LRRC37A2: variants seen among roughly 807,000 people sequenced by gnomAD.
LRRC37A2 encodes leucine-rich repeat-containing protein 37A2.
Under a neutral mutation model 68.8 loss-of-function variants are expected in LRRC37A2, and 9 were observed. The ratio of observed to expected loss-of-function variants is 0.13; its 90% CI spans 0.08 to 0.23. The LOEUF is 0.23. Ranked by LOEUF, LRRC37A2 falls within the 10% of genes least tolerant of loss-of-function variation. The probability of loss-of-function intolerance (pLI) is 1.00; values close to 1 mark genes in which losing one functional copy is unlikely to be tolerated. For missense variants in LRRC37A2, 168 were observed against 950.4 expected (o/e 0.18, Z 10.82); for synonymous variants, 63 against 367.6 (o/e 0.17, Z 9.48).
chr17:46,886,477 C>T, the LRRC37A2 span: 5 of 152,140 alleles, frequency 3.3e-5, no homozygotes, highest in Non-Finnish European at 5.9e-5. Context: ...TGGGAGTATA[C>T]TCCTAAGTTG....
chr17:46,740,052 G>A, the LRRC37A2 span, among the ~76,000 whole-genome samples: 3 of 152,186 alleles, frequency 2.0e-5, no homozygotes, highest in Non-Finnish European at 4.4e-5. Flanking sequence ...CCTGGGCACT[G>A]TGTCTAGTGG....
the LRRC37A2 span, among the ~76,000 whole-genome samples, chr17:46,985,443 C>G: frequency 6.6e-6 from 1 of 150,918 alleles, no homozygotes; most frequent in African/African-American, 2.4e-5. Flanking sequence ...TTGCTTGAAC[C>G]TGGGAGGCGG....
chr17:46,974,185 G>A, the LRRC37A2 span, among the ~76,000 whole-genome samples: 6 of 152,340 alleles, frequency 3.9e-5, no homozygotes, highest in Admixed American at 2.6e-4. Context: ...GCCCTGAGAC[G>A]CATGGAACCA....
At chr17:46,944,866 C>A in the LRRC37A2 span, among the ~76,000 whole-genome samples, 1 of 152,164 alleles carries the variant, frequency 6.6e-6, no homozygotes, top group Admixed American at 6.5e-5. Flanking sequence ...TCCCAAAGTG[C>A]TGGGATTACT....
chr17:46,766,286 T>G, the LRRC37A2 span, among the ~76,000 whole-genome samples: 1 of 151,958 alleles, frequency 6.6e-6, no homozygotes, highest in East Asian at 1.9e-4. Context: ...CGGGCACCTA[T>G]AATCCCAGCT....
the LRRC37A2 span, chr17:46,941,265 T>G: frequency 1.0e-6 from 1 of 986,540 alleles, no homozygotes; most frequent in Non-Finnish European, 1.2e-6. Context: ...CCCTTTGCCC[T>G]GATGAATTTG....
At chr17:46,830,621 T>C in the LRRC37A2 span, 3 of 398,544 alleles carry the variant, frequency 7.5e-6, no homozygotes, top group Non-Finnish European at 8.8e-6. Flanking sequence ...TTATTTTCTT[T>C]TTTCTCCAGA....
the LRRC37A2 span, among the ~76,000 whole-genome samples, chr17:46,900,202 T>TAC: frequency 9.8e-3 from 987 of 101,068 alleles, 22 homozygotes; most frequent in East Asian, 0.089. Flanking sequence ...TATATATATA[T>TAC]ACACACACAC....
chr17:46,927,903 C>A, the LRRC37A2 span, among the ~76,000 whole-genome samples: 7 of 152,160 alleles, frequency 4.6e-5, no homozygotes, highest in Middle Eastern at 6.8e-3. Context: ...TCAGATTTTT[C>A]TGTTAAATCA....
At chr17:46,888,501 G>C in the LRRC37A2 span, among the ~76,000 whole-genome samples, 9 of 152,140 alleles carry the variant, frequency 5.9e-5, no homozygotes, top group Non-Finnish European at 1.3e-4. Context: ...AAAGGCCTTG[G>C]TGACAGGAAC....
the LRRC37A2 span, among the ~76,000 whole-genome samples, chr17:46,920,382 T>C: frequency 1.3e-5 from 2 of 152,114 alleles, no homozygotes; most frequent in Non-Finnish European, 2.9e-5. Flanking sequence ...TGTTCCTATC[T>C]CCAGTATCTG....
chr17:46,887,794 C>A, the LRRC37A2 span, among the ~76,000 whole-genome samples: 1 of 141,918 alleles, frequency 7.0e-6, no homozygotes, highest in Non-Finnish European at 1.6e-5. Flanking sequence ...AGAAAGAAAT[C>A]TCTGAGAGAG....
At chr17:46,839,941 T>TTTC in the LRRC37A2 span, among the ~76,000 whole-genome samples, 13 of 149,270 alleles carry the variant, frequency 8.7e-5, no homozygotes, top group Non-Finnish European at 1.5e-4. Flanking sequence ...TCTTTCTTTC[T>TTTC]TTCTTTCTTT....
At chr17:46,887,064 G>A in the LRRC37A2 span, among the ~76,000 whole-genome samples, 1 of 152,154 alleles carries the variant, frequency 6.6e-6, no homozygotes, top group African/African-American at 2.4e-5. Flanking sequence ...CAATCCACCT[G>A]CCTTGGCCTC....
At chr17:46,822,052 G>C in the LRRC37A2 span, among the ~76,000 whole-genome samples, 5 of 152,266 alleles carry the variant, frequency 3.3e-5, no homozygotes, top group African/African-American at 1.2e-4. Context: ...GGGGTAAAGG[G>C]AGAGGCGAAG....
At chr17:46,728,389 AT>A in the LRRC37A2 span, among the ~76,000 whole-genome samples, 10 of 151,730 alleles carry the variant, frequency 6.6e-5, no homozygotes, top group African/African-American at 1.7e-4. Context: ...TACACCTGGA[AT>A]TTTTTTTTCC....
At chr17:47,030,889 A>C in the LRRC37A2 span, among the ~76,000 whole-genome samples, 1 of 152,152 alleles carries the variant, frequency 6.6e-6, no homozygotes, top group Non-Finnish European at 1.5e-5. Flanking sequence ...CAAACAAAAA[A>C]AGAGGCCCCA....
At chr17:46,801,083 T>A in the LRRC37A2 span, among the ~76,000 whole-genome samples, 1 of 152,162 alleles carries the variant, frequency 6.6e-6, no homozygotes, top group Non-Finnish European at 1.5e-5. Context: ...TATCCTTTCA[T>A]CCTCACAATA....
chr17:46,978,298 G>A, the LRRC37A2 span: 10 of 323,642 alleles, frequency 3.1e-5, no homozygotes, highest in Non-Finnish European at 5.0e-5. Flanking sequence ...CCGCACCAAC[G>A]TACACACAAA....
Sources: gnomAD v4.1 joint callset for allele counts (sites outside exome capture counted in the v4.1 genomes callset) on GRCh38, gnomAD v4.1.1 for gene constraint, MANE v1.5 for transcripts, NCBI Gene and HGNC (gene_info 2026-07-23, HGNC 2026-07-21) for gene names.